CATSPERG: variants seen among roughly 807,000 people sequenced by gnomAD.
CATSPERG encodes catsper channel auxiliary subunit gamma, also known as cation channel sperm-associated auxiliary subunit gamma.
CATSPERG carries 115 observed loss-of-function variants against 145.0 expected under a neutral mutation model. The observed-to-expected ratio is 0.79, with a 90% CI of 0.68 to 0.93. The LOEUF (loss-of-function observed/expected upper bound fraction) is 0.93. CATSPERG is among the 40% of genes least tolerant of loss of function. CATSPERG has a pLI of 0.00. For synonymous variants in CATSPERG, 588 were observed against 589.0 expected (o/e 1.00, Z 0.02); for missense variants, 1,296 against 1,490.1 (o/e 0.87, Z 2.14).
At chr19:38,340,477 C>T (rs1413345176) in intron 3 of CATSPERG, among the ~76,000 whole-genome samples, 1 of 151,740 alleles carries the variant, frequency 6.6e-6, no homozygotes, top group African/African-American at 2.4e-5. Context: ...TGCGCCACCA[C>T]GCCCGGCTAA....
chr19:38,343,645 C>T lies in CATSPERG; in HGVS notation c.390C>T (p.Phe130=). The T allele has an allele frequency of 6.4e-7, 1 of 1,551,554 alleles. No individual in the cohort carries two copies. Among genetic ancestry groups the T allele is most frequent in the Non-Finnish European group, 8.7e-7 (1 of 1,146,966 alleles). Residue 130 remains phenylalanine, a synonymous_variant, in exon 4 of 29, where the codon TTC becomes TTT. Transcript: ENST00000409235. ...TGLKPLVLVT[F]QSPVNFYRWK... ...TAAAGCCCCTGGTGCTGGTCACCTTCCAGTCCCCAGTCAACTTCTACCGCT... is the reference window on the plus strand; with the variant it reads ...TAAAGCCCCTGGTGCTGGTCACCTTTCAGTCCCCAGTCAACTTCTACCGCT...
Position 38,346,529 on chromosome 19 carries a change from T to C in CATSPERG, c.749T>C (p.Leu250Pro), listed in dbSNP as rs1031506484. The C allele has an allele frequency of 1.3e-6, 2 of 1,551,558 alleles. No homozygotes were observed. Among genetic ancestry groups the C allele is most frequent in the African/African-American group, 2.7e-5 (2 of 73,054 alleles). ...CACACTGTGGACCAGTCACCTGTGCTTATCCTGGGAGGCATTCCCAATGAG... is the reference window on the plus strand; with the variant it reads ...CACACTGTGGACCAGTCACCTGTGCCTATCCTGGGAGGCATTCCCAATGAG... ...LWHTVDQSPV[L>P]ILGGIPNEKY... The change falls in exon 7 of 29, where the codon CTT (leucine) becomes CCT (proline). Residue 250 changes from leucine to proline, a missense_variant. Coordinates refer to ENST00000409235, the MANE Select transcript of CATSPERG (RefSeq NM_021185.5).
In CATSPERG at chr19:38,356,699, A is replaced by G. The variant is rs776605465; in HGVS notation, c.1196-43A>G. On this transcript the variant is annotated intron_variant, in intron 10 of 28. Transcript: ENST00000409235. ...GTACAGCTGGCACAGGACCAAGGCT[A>G]TTGAGCCCTGGGGCGGCTCTGGACT... The G allele has an allele frequency of 3.1e-6, 5 of 1,611,240 alleles. No homozygotes were observed. The South Asian group carries it at 4.4e-5, about 14-fold the overall frequency.
rs557022876 is a variant in CATSPERG, at chr19:38,360,857, G to A, written c.1880+14G>A. 2.3e-5 allele frequency: 37 copies of A among 1,591,718 alleles called. No individual in the cohort carries two copies. The highest frequency in any genetic ancestry group is 5.2e-5 in the Admixed American group (3 of 57,716). On this transcript the variant is annotated intron_variant, in intron 16 of 28. Coordinates refer to ENST00000409235, the MANE Select transcript of CATSPERG (RefSeq NM_021185.5). ...GGAGCGGAAAGGGTGAGAAGACACC[G>A]GACCATGACAGGGGTCTGAGGGCTC...
intron 25 of CATSPERG, 49 bp from the exon 26 acceptor site, chr19:38,367,999 C>T: frequency 6.4e-7 from 1 of 1,555,860 alleles, no homozygotes; most frequent in East Asian, 2.2e-5. Context: ...GTCATACCTC[C>T]CCTACACCGC....
chr19:38,348,539 T>A (rs1970081453), intron 7 of CATSPERG, among the ~76,000 whole-genome samples: 1 of 150,252 alleles, frequency 6.7e-6, no homozygotes, highest in African/African-American at 2.5e-5. Context: ...AATGGTGTGA[T>A]CTCAGCTCAC....
At chr19:38,344,543 C>T (rs1217014432) in intron 6 of CATSPERG, among the ~76,000 whole-genome samples, 175 bp downstream of exon 6, 1 of 152,074 alleles carries the variant, frequency 6.6e-6, no homozygotes. Flanking sequence ...CTCTCACATA[C>T]TCCATTATAA....
chr19:38,359,841 T>A (rs1400494373), intron 14 of CATSPERG: 1 of 1,212,148 alleles, frequency 8.2e-7, no homozygotes, highest in Non-Finnish European at 1.0e-6. Flanking sequence ...GTTCACTTCA[T>A]AAATATTGAG....
intron 2 of CATSPERG, 43 bp downstream of exon 2, chr19:38,337,547 C>A (rs1223895073): frequency 1.7e-5 from 26 of 1,551,752 alleles, no homozygotes; most frequent in Non-Finnish European, 1.9e-5. Context: ...ATTTTGAACC[C>A]GCACTCCACT....
intron 1 of CATSPERG, among the ~76,000 whole-genome samples, chr19:38,336,855 C>A (rs12460599): frequency 0.042 from 6,338 of 151,872 alleles, 232 homozygotes; most frequent in East Asian, 0.13. Context: ...CGGGGCGGAA[C>A]GAGGCGGAGG....
chr19:38,364,816 A>G, intron 20 of CATSPERG, 75 bp from the exon 21 acceptor site: 1 of 1,176,518 alleles, frequency 8.5e-7, no homozygotes. Context: ...GCTATGGGTT[A>G]TTTGAACTGT....
At chr19:38,344,903 T>A (rs2368485) in intron 6 of CATSPERG, among the ~76,000 whole-genome samples, 25,527 of 85,748 alleles carry the variant, frequency 0.3, 4,313 homozygotes, top group Middle Eastern at 0.42. Flanking sequence ...ATATATATAT[T>A]TTTTTTTTTT....
intron 14 of CATSPERG, chr19:38,359,935 G>A: frequency 9.6e-7 from 1 of 1,038,638 alleles, no homozygotes; most frequent in Non-Finnish European, 1.2e-6. Flanking sequence ...TGGAAGCAGG[G>A]GGACCTGGCC....
intron 8 of CATSPERG, among the ~76,000 whole-genome samples, chr19:38,354,401 T>C (rs2043790780): frequency 6.6e-6 from 1 of 152,176 alleles, no homozygotes; most frequent in African/African-American, 2.4e-5. Context: ...GAAAAGAGCA[T>C]CTTGTTGCGG....
chr19:38,361,106 G>T (rs1329849011), intron 16 of CATSPERG, among the ~76,000 whole-genome samples: 1 of 152,192 alleles, frequency 6.6e-6, no homozygotes, highest in Admixed American at 6.5e-5. Flanking sequence ...GATAAGGTGG[G>T]GAAGGGTGTT....
At chr19:38,357,408 C>G (rs916723368) in intron 11 of CATSPERG, among the ~76,000 whole-genome samples, 2 of 147,342 alleles carry the variant, frequency 1.4e-5, no homozygotes, top group African/African-American at 5.0e-5. Context: ...GTAGTCCCAG[C>G]TACTTGGAAT....
chr19:38,348,163 A>G (rs1245640605), intron 7 of CATSPERG, among the ~76,000 whole-genome samples: 4 of 150,468 alleles, frequency 2.7e-5, no homozygotes, highest in Non-Finnish European at 5.9e-5. Flanking sequence ...ATTTACACCA[A>G]CTTTTTTTTT....
chr19:38,343,359 G>T (rs2145066270), intron 3 of CATSPERG, among the ~76,000 whole-genome samples: 1 of 152,204 alleles, frequency 6.6e-6, no homozygotes, highest in East Asian at 1.9e-4. Context: ...CTCCAGGAAG[G>T]CCTCCGACTC....
intron 1 of CATSPERG, chr19:38,336,112 TC>T (rs1383824842): frequency 8.2e-6 from 3 of 367,984 alleles, no homozygotes; most frequent in African/African-American, 7.5e-5. Context: ...GGCAGGAGAG[TC>T]GGGGTATAGA....
Sources: gnomAD v4.1 joint callset for allele counts (sites outside exome capture counted in the v4.1 genomes callset) on GRCh38, gnomAD v4.1.1 for gene constraint, MANE v1.5 for transcripts, NCBI Gene and HGNC (gene_info 2026-07-23, HGNC 2026-07-21) for gene names.